Variants in TMEM232 observed in about 807,000 individuals in gnomAD.
The protein encoded by TMEM232 is transmembrane protein 232.
A neutral mutation model predicts 78.8 loss-of-function variants in TMEM232; 80 were observed. The ratio of observed to expected loss-of-function variants is 1.01; its 90% CI spans 0.85 to 1.22. The LOEUF (loss-of-function observed/expected upper bound fraction) is 1.22, where lower values mean the gene tolerates loss of function less well. Among genes scored for constraint, TMEM232 ranks in the 50% most tolerant of loss-of-function variants. The pLI is 0.00. For missense variants in TMEM232, 881 were observed against 742.2 expected, an observed-to-expected ratio of 1.19 and a Z score of -2.17; for synonymous variants, 297 against 254.3, an observed-to-expected ratio of 1.17 and a Z score of -1.60.
At chr5:110,482,415 T>C (rs1482687874) in intron 12 of TMEM232, among the ~76,000 whole-genome samples, 3 of 151,992 alleles carry the variant, frequency 2.0e-5, no homozygotes, top group African/African-American at 7.2e-5. Context: ...ACCCCGTCTC[T>C]ACTAAAAATA....
At chr5:110,569,710 A>C (rs1776723845) in intron 10 of TMEM232, among the ~76,000 whole-genome samples, 1 of 151,954 alleles carries the variant, frequency 6.6e-6, no homozygotes. Context: ...CAGGTTAATA[A>C]CAATCATTAT....
chr5:110,586,173 A>G (rs1778798075), intron 10 of TMEM232, among the ~76,000 whole-genome samples: 2 of 152,082 alleles, frequency 1.3e-5, no homozygotes, highest in Admixed American at 1.3e-4. Flanking sequence ...TTCTTTTATT[A>G]TTATTTCTAT....
chr5:110,606,545 C>T (rs1781564126), intron 8 of TMEM232, among the ~76,000 whole-genome samples: 2 of 151,972 alleles, frequency 1.3e-5, no homozygotes, highest in Non-Finnish European at 2.9e-5. Context: ...AATCACATTT[C>T]TTCATAGATC....
chr5:110,640,046 G>A (rs918692458), intron 4 of TMEM232, among the ~76,000 whole-genome samples: 1 of 152,226 alleles, frequency 6.6e-6, no homozygotes, highest in Non-Finnish European at 1.5e-5. Flanking sequence ...GCAAGGGCCA[G>A]TCCTCTTCTA....
intron 12 of TMEM232, among the ~76,000 whole-genome samples, chr5:110,493,870 T>C (rs1413166080): frequency 6.6e-6 from 1 of 152,066 alleles, no homozygotes; most frequent in African/African-American, 2.4e-5. Context: ...CCATGGTGGT[T>C]TGCTGCACCC....
intron 11 of TMEM232, among the ~76,000 whole-genome samples, chr5:110,539,085 G>A (rs1308674330): frequency 6.6e-6 from 1 of 152,150 alleles, no homozygotes; most frequent in East Asian, 1.9e-4. Flanking sequence ...TTGCTAACAG[G>A]CAAAATACAG....
intron 10 of TMEM232, among the ~76,000 whole-genome samples, chr5:110,582,739 T>C (rs752608669): frequency 6.6e-6 from 1 of 151,888 alleles, no homozygotes; most frequent in African/African-American, 2.4e-5. Flanking sequence ...GCAGACGACA[T>C]AATCTTATAT....
chr5:110,593,621 C>T (rs2149781880), intron 10 of TMEM232, among the ~76,000 whole-genome samples: 1 of 152,068 alleles, frequency 6.6e-6, no homozygotes, highest in East Asian at 1.9e-4. Context: ...AAAATTAAAA[C>T]AATTGAACTC....
chr5:110,489,106 A>T (rs1054701548), intron 12 of TMEM232, among the ~76,000 whole-genome samples: 3 of 152,026 alleles, frequency 2.0e-5, no homozygotes, highest in Non-Finnish European at 4.4e-5. Flanking sequence ...GAATGGCTTT[A>T]TGAGTAAATT....
chr5:110,414,641 G>A (rs1218822617), downstream of TMEM232, among the ~76,000 whole-genome samples: 1 of 152,162 alleles, frequency 6.6e-6, no homozygotes, highest in East Asian at 1.9e-4. Flanking sequence ...GTTTCAAAAT[G>A]ACTCCAATCT....
intron 2 of TMEM232, among the ~76,000 whole-genome samples, chr5:110,644,195 G>C (rs561766658): frequency 6.6e-6 from 1 of 151,960 alleles, no homozygotes; most frequent in South Asian, 2.1e-4. Context: ...TGCTTTTGAA[G>C]ATATTTGGTG....
chr5:110,545,547 A>G (rs1773665364), intron 11 of TMEM232, among the ~76,000 whole-genome samples: 1 of 152,034 alleles, frequency 6.6e-6, no homozygotes, highest in South Asian at 2.1e-4. Context: ...TTTCCAAACT[A>G]TTGCTATTTA....
chr5:110,618,629 G>C (rs1042898824), intron 7 of TMEM232, 67 bp from the exon 8 acceptor site: 1 of 1,382,802 alleles, frequency 7.2e-7, no homozygotes, highest in Non-Finnish European at 9.7e-7. Flanking sequence ...ACTCTGACTT[G>C]AACAAACATG....
chr5:110,506,567 C>T (rs1766931466), intron 12 of TMEM232, among the ~76,000 whole-genome samples: 1 of 152,100 alleles, frequency 6.6e-6, no homozygotes, highest in African/African-American at 2.4e-5. Flanking sequence ...TCTCAATTAC[C>T]CACTTTGGCT....
intron 10 of TMEM232, among the ~76,000 whole-genome samples, chr5:110,579,768 G>A (rs774203600): frequency 6.6e-6 from 1 of 151,290 alleles, no homozygotes; most frequent in Non-Finnish European, 1.5e-5. Context: ...CAGGAAAAGA[G>A]AGACAAAAAT....
rs983477758 is a variant in TMEM232 at position 110,495,466 on chromosome 5, G to A, written c.1703+33122C>T. Among the ~76,000 whole-genome samples, 7 of 151,838 alleles carry A rather than the reference G, an allele frequency of 4.6e-5. 1 individual carries two copies. Among genetic ancestry groups the A allele is most frequent in the Admixed American group, 6.6e-5 (1 of 15,204 alleles). ...TATTTTAAAATAATGTTTCAGAGAC[G>A]ATCTGTCTTGGTTGAAAGAACAAAA... is the stretch of plus-strand genomic sequence containing the variant. On this transcript the variant is annotated intron_variant, in intron 12 of 13. Transcript: ENST00000455884.
chr5:110,532,780 C>T (rs1771735999), intron 11 of TMEM232, among the ~76,000 whole-genome samples: 1 of 152,102 alleles, frequency 6.6e-6, no homozygotes, highest in Admixed American at 6.5e-5. Context: ...TCATGCACTC[C>T]TTACCATCTC....
chr5:110,644,212 G>A (rs977401173), intron 2 of TMEM232, among the ~76,000 whole-genome samples: 3 of 151,766 alleles, frequency 2.0e-5, no homozygotes, highest in Non-Finnish European at 4.4e-5. Flanking sequence ...GGTGAACACT[G>A]GCTGAAAATT....
intron 12 of TMEM232, among the ~76,000 whole-genome samples, chr5:110,527,197 T>C (rs1770729189): frequency 1.3e-5 from 2 of 151,790 alleles, no homozygotes; most frequent in Non-Finnish European, 3.0e-5. Context: ...TGAAAGATAA[T>C]ATGTACAAGT....
Sources: gnomAD v4.1 joint callset for allele counts (sites outside exome capture counted in the v4.1 genomes callset) on GRCh38, gnomAD v4.1.1 for gene constraint, MANE v1.5 for transcripts, NCBI Gene and HGNC (gene_info 2026-07-23, HGNC 2026-07-21) for gene names.